The following MLLT1 variants were observed in gnomAD, a reference collection of about 807,000 sequenced individuals.
MLLT1 encodes the protein protein ENL.
A neutral mutation model predicts 55.1 loss-of-function variants in MLLT1; 11 were observed. The ratio of observed to expected loss-of-function variants is 0.20; its 90% CI spans 0.13 to 0.33. The LOEUF (loss-of-function observed/expected upper bound fraction) is 0.33. Among genes scored for constraint, MLLT1 ranks in the 10% least tolerant of loss-of-function variants. The probability of loss-of-function intolerance (pLI) is 1.00; values close to 1 mark genes in which losing one functional copy is unlikely to be tolerated. For missense variants in MLLT1, 536 were observed against 760.6 expected (o/e 0.70, Z 3.47); for synonymous variants, 323 against 320.1 (o/e 1.01, Z -0.10).
At position 6,212,664 on chromosome 19, in the gene MLLT1, G is replaced by C; in HGVS notation, c.*378C>G. The C allele has an allele frequency of 9.0e-7, 1 of 1,106,254 alleles. No homozygotes were observed. Among genetic ancestry groups the C allele is most frequent in the Non-Finnish European group, 1.1e-6 (1 of 907,162 alleles). 68.5% of individuals were successfully genotyped at this position (1,106,254 alleles called of 1,614,324 possible). A position where few individuals can be genotyped will look rare whatever the true frequency, so the allele number is the denominator to read the frequency against. ...AGGCTGGAGATGCCCCCCAGCCGTC[G>C]ATCCGCTGCTCAGAAAGGCTGGGGC... On this transcript the variant is annotated 3_prime_UTR_variant, in exon 12 of 12. Coordinates refer to ENST00000252674, the MANE Select transcript of MLLT1 (RefSeq NM_005934.4).
In MLLT1 at chr19:6,231,562, A is replaced by G. The variant is rs1336669336; in HGVS notation, c.277-849T>C. Among the ~76,000 whole-genome samples the G allele has an allele frequency of 6.6e-6, 1 of 151,642 alleles. No homozygotes were observed. The highest frequency in any genetic ancestry group is 2.4e-5 in the African/African-American group (1 of 41,184). ...AGTCTTGCTCTGTTGCCCAGGCTGG[A>G]GTGCAGTGGCGCGATCTCGGCTCAC... On this transcript the variant is annotated intron_variant, in intron 3 of 11. Transcript: ENST00000252674. The surrounding 1 kb of genome is among the most constrained non-coding windows in gnomAD (Gnocchi z 5.1).
rs1295373295 is a variant in MLLT1 at position 6,235,633 on chromosome 19, G to T, written c.277-4920C>A. On this transcript the variant is annotated intron_variant, in intron 3 of 11. Coordinates refer to ENST00000252674, the MANE Select transcript of MLLT1 (RefSeq NM_005934.4). The surrounding 1 kb of genome is among the most constrained non-coding windows in gnomAD (Gnocchi z 5.5). ...CACAGCTGTGCACCCTGGCTGCACA[G>T]CGAGTCCAGCCGCTTCTCCCAAGCT... Among the ~76,000 whole-genome samples, 2 of 152,098 alleles carry T rather than the reference G, an allele frequency of 1.3e-5. No individual in the cohort carries two copies. The highest frequency in any genetic ancestry group is 3.9e-4 in the East Asian group (2 of 5,168).
intron 5 of MLLT1, among the ~76,000 whole-genome samples, chr19:6,224,545 G>A (rs1454643852): frequency 1.3e-5 from 2 of 152,182 alleles, no homozygotes; most frequent in South Asian, 2.1e-4. Flanking sequence ...CAGAATGAGA[G>A]CAAACTCCAA....
At chr19:6,276,050 T>C (rs1327736868) in intron 1 of MLLT1, among the ~76,000 whole-genome samples, 1 of 152,214 alleles carries the variant, frequency 6.6e-6, no homozygotes. Flanking sequence ...GACTGATTCC[T>C]AGTTACTTGT....
rs925592288 is a variant in MLLT1 at position 6,231,907 on chromosome 19, C to T, written c.277-1194G>A. 5.3e-5 allele frequency among the ~76,000 whole-genome samples: 8 copies of T among 152,014 alleles called. No individual in the cohort carries two copies. The highest frequency in any genetic ancestry group is 1.4e-4 in the African/African-American group (6 of 41,386). ...TGGGAAAACCGCACTATGACAAGCA[C>T]GAATGTCACACGGAAGAAGGGAGGT... is the stretch of plus-strand genomic sequence containing the variant. On this transcript the variant is annotated intron_variant, in intron 3 of 11. Transcript: ENST00000252674. This position sits in a 1 kb window ranked among gnomAD's most constrained non-coding sequence, Gnocchi z 5.1.
In MLLT1 at chr19:6,247,838, T is replaced by C. The variant is rs187604581; in HGVS notation, c.276+14390A>G. Among the ~76,000 whole-genome samples, 171 of 152,340 alleles carry C rather than the reference T, an allele frequency of 1.1e-3. 1 individual carries two copies. The highest frequency in any genetic ancestry group is 4.0e-3 in the African/African-American group (168 of 41,578). On this transcript the variant is annotated intron_variant, in intron 3 of 11. Coordinates refer to ENST00000252674, the MANE Select transcript of MLLT1 (RefSeq NM_005934.4). ...GTGAGCAGTTCCTTTGAGTGTCCTG[T>C]TGGTGCTCAGAGTTTCAGATTTTGG...
intron 3 of MLLT1, among the ~76,000 whole-genome samples, chr19:6,261,215 C>G (rs954664207): frequency 2.0e-5 from 3 of 152,210 alleles, no homozygotes; most frequent in African/African-American, 7.2e-5. Context: ...CCAGCGGGGC[C>G]TCAATTCCAA....
At chr19:6,228,725 G>T (rs2090977386) in intron 4 of MLLT1, among the ~76,000 whole-genome samples, 2 of 152,120 alleles carry the variant, frequency 1.3e-5, no homozygotes, top group Admixed American at 6.5e-5. Flanking sequence ...GCCCCGAGAG[G>T]AGCCCCTGCC....
rs2090768595 is a variant in MLLT1, at chr19:6,211,358, T to G, written c.*1684A>C. The stretch of plus-strand genomic sequence containing the variant: ...GTGGCGAGGAGTCCCGGAGGCTTCC[T>G]CCGAAGGTTCTCGGGCCTTTCCCCG... On this transcript the variant is annotated 3_prime_UTR_variant, in exon 12 of 12. Transcript: ENST00000252674. The surrounding 1 kb of genome is among the most constrained non-coding windows in gnomAD (Gnocchi z 4.6). 8.6e-6 allele frequency: 2 copies of G among 233,360 alleles called. No homozygotes were observed. Among genetic ancestry groups the G allele is most frequent in the Admixed American group, 1.1e-4 (2 of 17,750 alleles). 14.5% of individuals were successfully genotyped at this position (233,360 alleles called of 1,614,324 possible). A position where few individuals can be genotyped will look rare whatever the true frequency, so the allele number is the denominator to read the frequency against.
At position 6,272,339 on chromosome 19, in the gene MLLT1, G is replaced by A. The variant is rs74611486; in HGVS notation, c.13-1580C>T. On this transcript the variant is annotated intron_variant, in intron 1 of 11. Coordinates refer to ENST00000252674, the MANE Select transcript of MLLT1 (RefSeq NM_005934.4). ...CCAGAACTGAGGAAATGCAGGAAAC[G>A]CGCACATTCCAGCTCAATCCTACAG... Among the ~76,000 whole-genome samples, 519 of 152,268 alleles carry A rather than the reference G, an allele frequency of 3.4e-3. 3 individuals are homozygous for A. The highest frequency in any genetic ancestry group is 0.012 in the African/African-American group (496 of 41,542).
At chr19:6,246,107 A>G (rs75329754) in intron 3 of MLLT1, among the ~76,000 whole-genome samples, 3 of 131,100 alleles carry the variant, frequency 2.3e-5, no homozygotes, top group African/African-American at 6.9e-5. Flanking sequence ...AAACAAAGAG[A>G]AAAAAAAAAA....
intron 1 of MLLT1, among the ~76,000 whole-genome samples, chr19:6,279,398 C>A (rs902621680): frequency 9.2e-5 from 14 of 152,034 alleles, no homozygotes; most frequent in African/African-American, 3.1e-4. Context: ...CTGGGCCAGG[C>A]TGAAGTCCCG....
intron 1 of MLLT1, among the ~76,000 whole-genome samples, chr19:6,277,166 T>C (rs543968204): frequency 1.3e-5 from 2 of 152,332 alleles, no homozygotes; most frequent in African/African-American, 4.8e-5. Context: ...GAGTAAAAGA[T>C]ACCATTCTCT....
At position 6,222,497 on chromosome 19, in the gene MLLT1, G is replaced by A. The variant is rs772030204; in HGVS notation, c.734C>T (p.Pro245Leu). Residue 245 changes from proline to leucine, a missense_variant, in exon 6 of 12, where the codon CCA becomes CTA. Around this residue, in one of 3 missense-constraint regions of MLLT1, gnomAD observed 449 missense variants for 489.0 expected, o/e 0.92. Coordinates refer to ENST00000252674, the MANE Select transcript of MLLT1 (RefSeq NM_005934.4). The surrounding 1 kb of genome is among the most constrained non-coding windows in gnomAD (Gnocchi z 4.1). ...TTCCTTGAAGGCAGCCTTGGGCGGT[G>A]GCGCCTTCTCCTCCTTGGGCAGCCG... ...EGRLPKEEKA[P>L]PPKAAFKEPK... The A allele has an allele frequency of 3.6e-5, 57 of 1,597,518 alleles. No homozygotes were observed. Among genetic ancestry groups the A allele is most frequent in the Non-Finnish European group, 3.7e-5 (44 of 1,178,686 alleles).
chr19:6,236,805 G>C (rs1336918613), intron 3 of MLLT1, among the ~76,000 whole-genome samples: 1 of 152,228 alleles, frequency 6.6e-6, no homozygotes, highest in Non-Finnish European at 1.5e-5. Flanking sequence ...CTGGCAGCAG[G>C]CTCCGTGAGC....
At chr19:6,253,087 C>A (rs1239230254) in intron 3 of MLLT1, among the ~76,000 whole-genome samples, 2 of 151,382 alleles carry the variant, frequency 1.3e-5, no homozygotes, top group African/African-American at 2.4e-5. Flanking sequence ...CATGGTGAAA[C>A]CCTGTCTCTA....
intron 2 of MLLT1, among the ~76,000 whole-genome samples, chr19:6,265,049 C>CAAAAACAAAAAAAAAAAAAAAAAAA (rs1568296295): frequency 4.3e-5 from 1 of 23,300 alleles, no homozygotes; most frequent in Non-Finnish European, 1.2e-4. Context: ...AAAAAAAAAA[C>CAAAAACAAAAAAAAAAAAAAAAAAA]AAAAAAACAA....
chr19:6,278,147 G>A (rs1212567618), intron 1 of MLLT1, among the ~76,000 whole-genome samples: 1 of 152,160 alleles, frequency 6.6e-6, no homozygotes, highest in Non-Finnish European at 1.5e-5. Flanking sequence ...GCCCCAACCT[G>A]CCCTCTCTAA....
At chr19:6,217,817 G>A (rs1224721765) in intron 7 of MLLT1, 137 bp downstream of exon 7, 53 of 1,272,660 alleles carry the variant, frequency 4.2e-5, no homozygotes, top group Non-Finnish European at 5.4e-5. Context: ...GACTCCCCCA[G>A]GCCACCAAAA....
Sources: gnomAD v4.1 joint callset for allele counts (sites outside exome capture counted in the v4.1 genomes callset) on GRCh38, gnomAD v4.1.1 for gene constraint, gnomAD v4.1.1 regional missense constraint, Gnocchi (gnomAD v3.1) non-coding constraint, MANE v1.5 for transcripts, NCBI Gene and HGNC (gene_info 2026-07-23, HGNC 2026-07-21) for gene names.